The following ABCD3 variants were observed in gnomAD, a reference collection of about 807,000 sequenced individuals.
The protein encoded by ABCD3 is ATP binding cassette subfamily D member 3.
ABCD3 carries 41 observed loss-of-function variants against 105.5 expected under a neutral mutation model. That is an observed-to-expected ratio of 0.39 (90% CI 0.30 to 0.50). The LOEUF is 0.50. Among genes scored for constraint, ABCD3 ranks in the 20% least tolerant of loss-of-function variants. The probability of loss-of-function intolerance (pLI) is 0.84; values close to 1 mark genes in which losing one functional copy is unlikely to be tolerated. For missense variants in ABCD3, 622 were observed against 806.3 expected, an observed-to-expected ratio of 0.77 and a Z score of 2.77; for synonymous variants, 258 against 269.0, an observed-to-expected ratio of 0.96 and a Z score of 0.40.
chr1:94,493,932 T>C (rs1649663722), intron 16 of ABCD3, among the ~76,000 whole-genome samples: 1 of 151,386 alleles, frequency 6.6e-6, no homozygotes, highest in Admixed American at 6.6e-5. Flanking sequence ...CATCACACTC[T>C]GGGGACTGTT....
intron 10 of ABCD3, among the ~76,000 whole-genome samples, chr1:94,486,587 A>G (rs1649290243): frequency 6.6e-6 from 1 of 152,222 alleles, no homozygotes. Context: ...AAACAACTAG[A>G]TGTTCTGTAT....
In ABCD3 at chr1:94,468,248, C is replaced by CT. The variant is rs1427666838; in HGVS notation, c.335+242dup. Among the ~76,000 whole-genome samples, 3 of 152,122 alleles carry CT rather than the reference C, an allele frequency of 2.0e-5. No individual in the cohort carries two copies. In the East Asian group the frequency reaches 5.8e-4, roughly 29 times the overall value. The stretch of plus-strand genomic sequence containing the variant: ...AGAAACTGTACCAAGCCTTGCTGAG[C>CT]TGACAGTTTATCAAGAGTTAGAGAC... On this transcript the variant is annotated intron_variant, in intron 4 of 22. Coordinates refer to ENST00000370214, the MANE Select transcript of ABCD3 (RefSeq NM_002858.4).
intron 20 of ABCD3, among the ~76,000 whole-genome samples, chr1:94,500,933 A>G (rs1045622608): frequency 2.0e-5 from 3 of 152,308 alleles, no homozygotes; most frequent in Admixed American, 2.0e-4. Context: ...GAAGATGACT[A>G]TAGAAATAAC....
chr1:94,406,491 T>C, the ABCD3 span: 29 of 417,906 alleles, frequency 6.9e-5, no homozygotes, highest in African/African-American at 6.1e-4. Context: ...AGGCTGGCGC[T>C]TCAGTTGAAT....
At chr1:94,441,332 A>G (rs1177501313) in intron 1 of ABCD3, among the ~76,000 whole-genome samples, 1 of 152,230 alleles carries the variant, frequency 6.6e-6, no homozygotes, top group African/African-American at 2.4e-5. Flanking sequence ...CTACTTTGGC[A>G]AAAACTTAAA....
chr1:94,428,074 G>GTT (rs969731497), intron 1 of ABCD3, among the ~76,000 whole-genome samples: 1 of 126,446 alleles, frequency 7.9e-6, no homozygotes, highest in Non-Finnish European at 1.8e-5. Flanking sequence ...AAGGTGTTTT[G>GTT]TTTTTTTTTT....
At chr1:94,494,125 A>AT (rs1387943075) in intron 16 of ABCD3, among the ~76,000 whole-genome samples, 1 of 151,936 alleles carries the variant, frequency 6.6e-6, no homozygotes. Context: ...AACAATAACT[A>AT]CCCTGTATTA....
chr1:94,460,759 T>A (rs1372393757), intron 2 of ABCD3, among the ~76,000 whole-genome samples: 1 of 152,086 alleles, frequency 6.6e-6, no homozygotes, highest in Non-Finnish European at 1.5e-5. Context: ...TTGTTGTTCT[T>A]TAGTCTCTGT....
chr1:94,391,522 C>A, the ABCD3 span, among the ~76,000 whole-genome samples: 34 of 152,286 alleles, frequency 2.2e-4, no homozygotes, highest in East Asian at 6.0e-3. Flanking sequence ...CAGGTCCTGT[C>A]ATCCCCTTGA....
the ABCD3 span, among the ~76,000 whole-genome samples, chr1:94,401,344 G>A: frequency 3.3e-5 from 5 of 152,214 alleles, no homozygotes; most frequent in African/African-American, 1.2e-4. Flanking sequence ...ATACGGAATG[G>A]TGCCCAAACA....
intron 1 of ABCD3, among the ~76,000 whole-genome samples, chr1:94,435,683 C>T (rs1329245229): frequency 6.6e-6 from 1 of 152,158 alleles, no homozygotes; most frequent in Non-Finnish European, 1.5e-5. Flanking sequence ...GGAATGCTTC[C>T]ACAGAAAGAA....
the ABCD3 span, among the ~76,000 whole-genome samples, chr1:94,395,733 A>AT: frequency 1.3e-3 from 196 of 152,310 alleles, no homozygotes; most frequent in African/African-American, 4.4e-3. Context: ...TGTTTTTGCC[A>AT]TTAAAATTAA....
At chr1:94,511,976 C>A (rs971846586) in intron 21 of ABCD3, among the ~76,000 whole-genome samples, 12 of 152,126 alleles carry the variant, frequency 7.9e-5, no homozygotes, top group Admixed American at 5.2e-4. Context: ...TCGTCTGAAG[C>A]CTTCTTCTCT....
the ABCD3 span, among the ~76,000 whole-genome samples, chr1:94,404,349 A>G: frequency 1.3e-5 from 2 of 152,320 alleles, no homozygotes; most frequent in African/African-American, 2.4e-5. Context: ...CCTGCACAAG[A>G]CTGAGGATGT....
At chr1:94,483,887 C>A (rs541388150) in intron 10 of ABCD3, among the ~76,000 whole-genome samples, 83 of 152,266 alleles carry the variant, frequency 5.5e-4, no homozygotes, top group African/African-American at 1.8e-3. Flanking sequence ...TTTTTGCAAT[C>A]TACCCATCTG....
At chr1:94,505,924 A>G (rs1650329746) in intron 20 of ABCD3, among the ~76,000 whole-genome samples, 1 of 152,224 alleles carries the variant, frequency 6.6e-6, no homozygotes, top group Non-Finnish European at 1.5e-5. Flanking sequence ...AAAGGTCAGA[A>G]TAAACAATCC....
chr1:94,450,343 C>T (rs1430881629), intron 1 of ABCD3, among the ~76,000 whole-genome samples: 2 of 152,162 alleles, frequency 1.3e-5, no homozygotes, highest in Non-Finnish European at 2.9e-5. Flanking sequence ...ATAAACTGGC[C>T]CCAAAACTGG....
chr1:94,423,820 G>A (rs1159386018), intron 1 of ABCD3, among the ~76,000 whole-genome samples: 4 of 151,774 alleles, frequency 2.6e-5, no homozygotes, highest in South Asian at 2.1e-4. Context: ...CCTGCACTAC[G>A]TTACTGCTAA....
upstream of ABCD3, among the ~76,000 whole-genome samples, chr1:94,418,079 C>A (rs1001469861): frequency 2.6e-5 from 4 of 152,202 alleles, no homozygotes; most frequent in African/African-American, 4.8e-5. Flanking sequence ...TCGCTGCAGG[C>A]CAGGCCCGCT....
Sources: gnomAD v4.1 joint callset for allele counts (sites outside exome capture counted in the v4.1 genomes callset) on GRCh38, gnomAD v4.1.1 for gene constraint, MANE v1.5 for transcripts, NCBI Gene and HGNC (gene_info 2026-07-23, HGNC 2026-07-21) for gene names.